Variants in ANKRD36B observed in about 807,000 individuals in gnomAD.
ANKRD36B encodes ankyrin repeat domain 36B.
In ANKRD36B, 37 loss-of-function variants were observed where a neutral mutation model predicts 135.7. The observed-to-expected ratio is 0.27, with a 90% CI of 0.21 to 0.36. The LOEUF (loss-of-function observed/expected upper bound fraction) is 0.36, where lower values mean the gene tolerates loss of function less well. ANKRD36B is among the 10% of genes least tolerant of loss of function. The pLI, the probability that ANKRD36B is intolerant of heterozygous loss-of-function variation, is 1.00. For missense variants in ANKRD36B, 549 were observed against 1,037.1 expected, an observed-to-expected ratio of 0.53 and a Z score of 6.46; for synonymous variants, 179 against 348.1, an observed-to-expected ratio of 0.51 and a Z score of 5.41.
rs1322384333 is a variant in ANKRD36B, at chr2:97,579,037, G to A, written c.564C>T (p.Ala188=). 2 of 1,605,510 alleles carry A rather than the reference G, an allele frequency of 1.2e-6. No individual in the cohort carries two copies. Among genetic ancestry groups the A allele is most frequent in the Non-Finnish European group, 1.7e-6 (2 of 1,175,052 alleles). Residue 188 remains alanine, a synonymous_variant, in exon 5 of 44, where the codon GCC becomes GCT. Transcript: ENST00000359901. ...CTCCAAGAGTAACAGCAAGTATGAG[G>A]GCTGATCTAAAATAACAGAGAGGTA... ...VNAIDYLGRS[A]LILAVTLGEK...
At chr2:97,562,180 TAAAC>T (rs149413738) in intron 6 of ANKRD36B, among the ~76,000 whole-genome samples, 1 of 151,542 alleles carries the variant, frequency 6.6e-6, no homozygotes, top group South Asian at 2.1e-4. Context: ...GAAAATAAAC[TAAAC>T]AAAGTTTCTA....
Position 97,565,864 on chromosome 2 carries a change from GGT to G in ANKRD36B, c.764-5006_764-5005del, listed in dbSNP as rs869177777. On this transcript the variant is annotated intron_variant, in intron 6 of 43. Transcript: ENST00000359901. ...ATCTCATTACTGGGCATATACTCGG[GGT>G]GTGTGTGTGTGTGTGTGTGTGTGTA... 3.5e-3 allele frequency among the ~76,000 whole-genome samples: 515 copies of G among 147,048 alleles called. 8 individuals carry two copies. The highest frequency in any genetic ancestry group is 5.1e-3 in the Non-Finnish European group (338 of 66,252).
At chr2:97,589,142 TC>T (rs1317349603) in intron 1 of ANKRD36B, among the ~76,000 whole-genome samples, 1 of 84,244 alleles carries the variant, frequency 1.2e-5, no homozygotes, top group Non-Finnish European at 2.3e-5. Context: ...TGCACCCCTT[TC>T]CCCCACCCCA....
At chr2:97,576,339 G>C (rs1446477994) in intron 6 of ANKRD36B, 40 bp downstream of exon 6, 2 of 815,228 alleles carry the variant, frequency 2.5e-6, no homozygotes, top group African/African-American at 3.6e-5. Flanking sequence ...TTTTATCTAT[G>C]GTAGTACCAT....
chr2:97,551,090 G>C (rs565592106), intron 18 of ANKRD36B, among the ~76,000 whole-genome samples, 199 bp downstream of exon 18: 1 of 151,734 alleles, frequency 6.6e-6, no homozygotes, highest in African/African-American at 2.4e-5. Flanking sequence ...TTGCAATGTG[G>C]GGATGTGTAT....
intron 12 of ANKRD36B, among the ~76,000 whole-genome samples, chr2:97,555,524 C>G (rs577670080): frequency 6.6e-6 from 1 of 151,816 alleles, no homozygotes; most frequent in African/African-American, 2.4e-5. Flanking sequence ...TGTGAATATG[C>G]CGAATGATGA....
chr2:97,571,433 G>A (rs1220513864), intron 6 of ANKRD36B, among the ~76,000 whole-genome samples: 1 of 151,950 alleles, frequency 6.6e-6, no homozygotes, highest in Non-Finnish European at 1.5e-5. Flanking sequence ...GGATCACAAG[G>A]TCAGGAGATG....
Position 97,528,581 on chromosome 2 carries a change from C to CA in ANKRD36B, c.2265+3729dup, listed in dbSNP as rs1269589393. Among the ~76,000 whole-genome samples the CA allele has an allele frequency of 3.2e-5, 3 of 93,408 alleles. 1 individual carries two copies. Among genetic ancestry groups the CA allele is most frequent in the Non-Finnish European group, 5.7e-5 (2 of 35,200 alleles). 61.3% of individuals were successfully genotyped at this position (93,408 alleles called of 152,430 possible). On this transcript the variant is annotated intron_variant, in intron 35 of 43. Transcript: ENST00000359901. ...AGCAGAACTGAAGGAAATAGAGACA[C>CA]AAAAAACCCTTCAAAAAATTAATGA...
At position 97,555,011 on chromosome 2, in the gene ANKRD36B, C is replaced by A. The variant is rs1178503288; in HGVS notation, c.1171+49G>T. 6 of 1,595,418 alleles carry A rather than the reference C, an allele frequency of 3.8e-6. No individual in the cohort carries two copies. In the South Asian group the frequency reaches 4.5e-5, roughly 12 times the overall value. On this transcript the variant is annotated intron_variant, in intron 14 of 43. Coordinates refer to ENST00000359901, the MANE Select transcript of ANKRD36B (RefSeq NM_001393939.1). ...CTGATTTATTTGGGGAAGAGAAGTT[C>A]TTTTCTATCTGGACTGAACATGACA... is the stretch of plus-strand genomic sequence containing the variant.
At chr2:97,560,435 T>C (rs891673971) in intron 8 of ANKRD36B, among the ~76,000 whole-genome samples, 3 of 151,904 alleles carry the variant, frequency 2.0e-5, no homozygotes, top group Non-Finnish European at 4.4e-5. Flanking sequence ...TGCTCTCCAA[T>C]GTTTCTTCTT....
chr2:97,552,041 T>A (rs1255692763), intron 16 of ANKRD36B, among the ~76,000 whole-genome samples: 1 of 151,986 alleles, frequency 6.6e-6, no homozygotes, highest in Non-Finnish European at 1.5e-5. Flanking sequence ...ACCTAGTAGA[T>A]AATATTCATT....
At chr2:97,553,804 C>A (rs62154337) in intron 14 of ANKRD36B, among the ~76,000 whole-genome samples, 73,095 of 151,836 alleles carry the variant, frequency 0.48, 21,220 homozygotes, top group Non-Finnish European at 0.66. Context: ...TCTTCATTAA[C>A]TTGCCCAGTA....
Position 97,587,532 on chromosome 2 carries a change from C to T in ANKRD36B, c.161+1993G>A, listed in dbSNP as rs187404750. ...CCCATATTGTCCCATCCTATGGATG[C>T]ACTGAAATTTATTGATAAATTTATA... On this transcript the variant is annotated intron_variant, in intron 1 of 43. Transcript: ENST00000359901. 2.5e-3 allele frequency among the ~76,000 whole-genome samples: 385 copies of T among 152,238 alleles called. 14 individuals carry two copies. The East Asian group carries it at 0.047, about 19-fold the overall frequency.
chr2:97,566,060 T>A (rs1048206028), intron 6 of ANKRD36B, among the ~76,000 whole-genome samples: 1 of 151,730 alleles, frequency 6.6e-6, no homozygotes, highest in Non-Finnish European at 1.5e-5. Context: ...ATGGCTGTGA[T>A]CTCAGCATTT....
intron 34 of ANKRD36B, among the ~76,000 whole-genome samples, chr2:97,533,307 ATAAC>A (rs2078696644): frequency 1.0e-5 from 1 of 97,494 alleles, no homozygotes; most frequent in Non-Finnish European, 2.7e-5. Context: ...TCAACTAACT[ATAAC>A]TGAAATAGAA....
Position 97,547,571 on chromosome 2 carries a change from G to C in ANKRD36B, c.1544C>G (p.Ala515Gly), listed in dbSNP as rs1347131351. The C allele has an allele frequency of 1.9e-6, 3 of 1,557,362 alleles. No homozygotes were observed. The highest frequency in any genetic ancestry group is 3.5e-5 in the Admixed American group (2 of 56,524). ...TTTTTCTCCATCTTTTTTTCCTCTG[G>C]CTATATTCAAAAGAGAATCTTTCTC... ...RDEKDSLLNIARGKKDGEKTR... is the reference protein window; with the variant it reads ...RDEKDSLLNIGRGKKDGEKTR... The change falls in exon 22 of 44, where the codon GCC becomes GGC. Residue 515 changes from alanine (A) to glycine (G), a missense_variant. Coordinates refer to ENST00000359901, the MANE Select transcript of ANKRD36B (RefSeq NM_001393939.1).
Position 97,589,830 on chromosome 2 carries a change from G to T in ANKRD36B, c.-145C>A. Reference sequence around the variant, plus strand: ...AAGCAGTCTGTGCACGGACCTCCGCGCAGACTCTCAGCGCCTCCCGCCTCT... The same window carrying T: ...AAGCAGTCTGTGCACGGACCTCCGCTCAGACTCTCAGCGCCTCCCGCCTCT... On this transcript the variant is annotated 5_prime_UTR_variant, in exon 1 of 44. Coordinates refer to ENST00000359901, the MANE Select transcript of ANKRD36B (RefSeq NM_001393939.1). The T allele has an allele frequency of 8.3e-7, 1 of 1,208,652 alleles. No individual in the cohort carries two copies. Among genetic ancestry groups the T allele is most frequent in the South Asian group, 1.4e-5 (1 of 72,572 alleles). The allele number at this position is 1,208,652 out of a possible 1,614,324, so 74.9% of individuals were successfully genotyped here. A position where few individuals can be genotyped will look rare whatever the true frequency, so the allele number is the denominator to read the frequency against.
At chr2:97,569,613 G>A (rs1463248825) in intron 6 of ANKRD36B, among the ~76,000 whole-genome samples, 1 of 151,624 alleles carries the variant, frequency 6.6e-6, no homozygotes, top group Non-Finnish European at 1.5e-5. Context: ...CCACTCAGGT[G>A]GGAGATGTTG....
At chr2:97,531,071 A>G (rs1344837734) in intron 35 of ANKRD36B, among the ~76,000 whole-genome samples, 25 of 92,146 alleles carry the variant, frequency 2.7e-4, no homozygotes, top group Non-Finnish European at 4.6e-4. Flanking sequence ...TACCCAAAGG[A>G]CTATAAATCA....
Sources: allele counts gnomAD v4.1 joint callset (sites outside exome capture counted in the v4.1 genomes callset), GRCh38; gene constraint gnomAD v4.1.1; transcripts MANE v1.5; gene names NCBI Gene and HGNC (gene_info 2026-07-23, HGNC 2026-07-21).